The following ZNF385D variants were observed in gnomAD, a reference collection of about 807,000 sequenced individuals.
ZNF385D encodes the protein zinc finger protein 659.
A neutral mutation model predicts 35.8 loss-of-function variants in ZNF385D; 15 were observed. The ratio of observed to expected loss-of-function variants is 0.42; its 90% CI spans 0.28 to 0.64. The LOEUF (loss-of-function observed/expected upper bound fraction) is 0.64, where lower values mean the gene tolerates loss of function less well. ZNF385D is among the 30% of genes least tolerant of loss of function. ZNF385D has a pLI of 0.23. For synonymous variants in ZNF385D, 212 were observed against 186.8 expected (o/e 1.13, Z -1.10); for missense variants, 474 against 494.6 (o/e 0.96, Z 0.39).
chr3:21,856,399 C>T (rs1048783133), intron 3 of ZNF385D, among the ~76,000 whole-genome samples: 15 of 152,098 alleles, frequency 9.9e-5, no homozygotes, highest in Admixed American at 4.6e-4. Flanking sequence ...TCTTTCTGAA[C>T]CCCTTCTCTC....
At chr3:22,079,097 G>A (rs1001135168) in intron 3 of ZNF385D, among the ~76,000 whole-genome samples, 3 of 151,908 alleles carry the variant, frequency 2.0e-5, no homozygotes, top group African/African-American at 7.2e-5. Context: ...ACAGAAGTGT[G>A]GATTAAATAG....
At chr3:22,102,841 CTTTT>C (rs1189784441) in intron 3 of ZNF385D, among the ~76,000 whole-genome samples, 1 of 148,984 alleles carries the variant, frequency 6.7e-6, no homozygotes, top group South Asian at 2.1e-4. Flanking sequence ...GCATTGGGGC[CTTTT>C]TTTATTTTGA....
intron 3 of ZNF385D, among the ~76,000 whole-genome samples, chr3:22,014,673 G>C (rs1338765328): frequency 6.6e-6 from 1 of 151,352 alleles, no homozygotes; most frequent in Non-Finnish European, 1.5e-5. Flanking sequence ...CAAGCAAATT[G>C]AATAATGAAT....
rs540930419 is a variant in ZNF385D at position 21,690,283 on chromosome 3, C to T, written c.23-25255G>A. On this transcript the variant is annotated intron_variant, in intron 1 of 7. Transcript: ENST00000281523. ...TATAGACACATATACATCCATATAACGAAAATTCAAAGAATATTGATTTGA... is the reference window on the plus strand; with the variant it reads ...TATAGACACATATACATCCATATAATGAAAATTCAAAGAATATTGATTTGA... 8.6e-5 allele frequency among the ~76,000 whole-genome samples: 13 copies of T among 151,742 alleles called. No individual in the cohort carries two copies. In the South Asian group the frequency reaches 1.2e-3, roughly 15 times the overall value.
At chr3:21,990,062 C>G (rs1559825869) in intron 3 of ZNF385D, among the ~76,000 whole-genome samples, 1 of 152,134 alleles carries the variant, frequency 6.6e-6, no homozygotes, top group Non-Finnish European at 1.5e-5. Context: ...TACCCTGACT[C>G]CAAATGCAAG....
intron 3 of ZNF385D, among the ~76,000 whole-genome samples, chr3:21,932,820 T>C (rs931409054): frequency 2.0e-5 from 3 of 152,284 alleles, no homozygotes; most frequent in Admixed American, 6.5e-5. Context: ...TTTTTACAAA[T>C]ATGCTTGTTC....
chr3:22,291,619 G>A (rs756715734), intron 2 of ZNF385D, among the ~76,000 whole-genome samples: 5 of 151,936 alleles, frequency 3.3e-5, no homozygotes, highest in Non-Finnish European at 5.9e-5. Flanking sequence ...AGTTAAAGAA[G>A]TGTAATAATT....
chr3:21,584,635 T>C (rs1347757964), intron 2 of ZNF385D, among the ~76,000 whole-genome samples: 3 of 152,336 alleles, frequency 2.0e-5, no homozygotes, highest in East Asian at 3.9e-4. Context: ...ATTTTTGTCT[T>C]CTACATATAT....
chr3:21,730,493 C>T (rs2068947108), intron 1 of ZNF385D, among the ~76,000 whole-genome samples: 1 of 152,204 alleles, frequency 6.6e-6, no homozygotes, highest in African/African-American at 2.4e-5. Flanking sequence ...ATAACTAACC[C>T]TTGATGAGAA....
intron 3 of ZNF385D, chr3:21,957,253 G>A (rs9816540): frequency 0.68 from 104,113 of 152,266 alleles, 36,759 homozygotes; most frequent in Non-Finnish European, 0.77. Context: ...GTCTTTACCA[G>A]CAGTGTGAAA....
intron 3 of ZNF385D, among the ~76,000 whole-genome samples, chr3:22,016,621 A>C (rs1696903306): frequency 6.6e-6 from 1 of 152,014 alleles, no homozygotes; most frequent in Admixed American, 6.6e-5. Flanking sequence ...CTTCCTGCCT[A>C]GAACAAAAGT....
chr3:21,425,717 G>A (rs1178192731), intron 5 of ZNF385D, 47 bp from the exon 6 acceptor site: 5 of 1,479,010 alleles, frequency 3.4e-6, no homozygotes, highest in South Asian at 1.4e-5. Context: ...GAGGAAAGAA[G>A]GGAGGGAGAG....
upstream of ZNF385D, among the ~76,000 whole-genome samples, chr3:21,753,824 T>C (rs112882196): frequency 1.3e-3 from 205 of 152,044 alleles, 3 homozygotes; most frequent in African/African-American, 4.5e-3. Flanking sequence ...CGTTTTGTAC[T>C]TTGAGCAACA....
rs79099391 is a variant in ZNF385D, at chr3:22,074,739, C to T, written c.325+94078G>A. Among the ~76,000 whole-genome samples the T allele has an allele frequency of 9.1e-3, 1,385 of 151,908 alleles. 51 individuals are homozygous for T. In the East Asian group the frequency reaches 0.13, roughly 14 times the overall value. On this transcript the variant is annotated intron_variant, in intron 3 of 5. Coordinates refer to the ZNF385D transcript ENST00000494108. Reference sequence around the variant, plus strand: ...TTGAAATACTCATACCCTGGTCTTCCCGACACTGTTCAATCTTACTTGTTC... The same window carrying T: ...TTGAAATACTCATACCCTGGTCTTCTCGACACTGTTCAATCTTACTTGTTC...
At chr3:21,655,095 C>G (rs9810547) in intron 2 of ZNF385D, among the ~76,000 whole-genome samples, 18,378 of 151,534 alleles carry the variant, frequency 0.12, 1,156 homozygotes, top group East Asian at 0.15. Context: ...AAGAAATCAC[C>G]TTGGGGAAGT....
rs2069024654 is a variant in ZNF385D at position 21,732,027 on chromosome 3, GGGGTTT to G, written c.22+18862_22+18867del. ...CTATTCAGGGTTTTTTTCTTTTTTC[GGGGTTT>G]TTTTTTTTTTTTTTTTTTTTTTTTT... On this transcript the variant is annotated intron_variant, in intron 1 of 7. Coordinates refer to ENST00000281523, the MANE Select transcript of ZNF385D (RefSeq NM_024697.3). 5.3e-4 allele frequency among the ~76,000 whole-genome samples: 34 copies of G among 64,270 alleles called. 13 individuals carry two copies. The highest frequency in any genetic ancestry group is 1.4e-3 in the East Asian group (3 of 2,212). The allele number at this position is 64,270 out of a possible 152,430, so 42.2% of individuals were successfully genotyped here.
In ZNF385D at chr3:22,253,298, C is replaced by G. The variant is rs892357956; in HGVS notation, c.107-84263G>C. Among the ~76,000 whole-genome samples, 3 of 151,710 alleles carry G rather than the reference C, an allele frequency of 2.0e-5. No individual in the cohort carries two copies. In the East Asian group the frequency reaches 5.8e-4, roughly 29 times the overall value. ...AGTTAGGACTAAGGTATTGTAAAAA[C>G]TAAGAAATAGACTGTAATTGAAACC... On this transcript the variant is annotated intron_variant, in intron 2 of 5. Transcript: ENST00000494108.
At chr3:22,246,778 C>G (rs952647108) in intron 2 of ZNF385D, among the ~76,000 whole-genome samples, 1 of 152,100 alleles carries the variant, frequency 6.6e-6, no homozygotes, top group Non-Finnish European at 1.5e-5. Context: ...TTAATTCTGT[C>G]TTACATGTTC....
Position 22,067,644 on chromosome 3 carries a change from A to G in ZNF385D, c.325+101173T>C, listed in dbSNP as rs188245883. On this transcript the variant is annotated intron_variant, in intron 3 of 5. Transcript: ENST00000494108. ...TGTATGTTATTATACAAACAAATCA[A>G]CTTTTTAATGGGAAAGGATATCTTT... 1.5e-4 allele frequency among the ~76,000 whole-genome samples: 23 copies of G among 152,354 alleles called. No homozygotes were observed. In the East Asian group the frequency reaches 1.9e-3, roughly 13 times the overall value.
Sources: gnomAD v4.1 joint callset for allele counts (sites outside exome capture counted in the v4.1 genomes callset) on GRCh38, gnomAD v4.1.1 for gene constraint, MANE v1.5 for transcripts, NCBI Gene and HGNC (gene_info 2026-07-23, HGNC 2026-07-21) for gene names.